Variants in GPR143 observed in about 807,000 individuals in gnomAD.
GPR143 encodes G protein-coupled receptor 143.
A neutral mutation model predicts 27.6 loss-of-function variants in GPR143; 8 were observed. The observed-to-expected ratio is 0.29, with a 90% CI of 0.17 to 0.52. GPR143 has a LOEUF of 0.52. GPR143 is among the 20% of genes least tolerant of loss of function. The pLI is 0.96. For synonymous variants in GPR143, 156 were observed against 153.2 expected, an observed-to-expected ratio of 1.02 and a Z score of -0.13; for missense variants, 303 against 343.1, an observed-to-expected ratio of 0.88 and a Z score of 0.92.
upstream of GPR143, among the ~76,000 whole-genome samples, chrX:9,770,897 A>C (rs1569127603): frequency 8.9e-6 from 1 of 112,264 alleles, no homozygotes; most frequent in East Asian, 2.8e-4. Context: ...CCTTTCATTT[A>C]AGTGCAATTC....
intron 3 of GPR143, among the ~76,000 whole-genome samples, chrX:9,757,729 A>G (rs914954484): frequency 2.7e-5 from 3 of 111,205 alleles, no homozygotes; most frequent in African/African-American, 9.8e-5. Context: ...GGCTTTAAAC[A>G]GGTGACCTTT....
At chrX:9,742,134 A>G (rs1487856009) in intron 6 of GPR143, among the ~76,000 whole-genome samples, 2 of 111,925 alleles carry the variant, frequency 1.8e-5, no homozygotes, top group African/African-American at 6.5e-5. Context: ...TTGCCATTTT[A>G]TAATAGTATT....
chrX:9,744,556 TTAGC>T (rs1485439732), intron 5 of GPR143, among the ~76,000 whole-genome samples: 3 of 108,781 alleles, frequency 2.8e-5, no homozygotes, highest in Non-Finnish European at 5.7e-5. Context: ...AATGCAAAAA[TTAGC>T]TGGCTGTGGT....
rs760828983 is a variant in GPR143 at position 9,760,705 on chromosome X, G to A, written c.360+12C>T. On this transcript the variant is annotated intron_variant, in intron 2 of 8. Coordinates refer to ENST00000467482, the MANE Select transcript of GPR143 (RefSeq NM_000273.3). ...GTAGGGAGGAGAGGGCATGCAGAGG[G>A]GGTGGACTCACCGCACTCCCCACGC... is the stretch of plus-strand genomic sequence containing the variant. The A allele has an allele frequency of 1.0e-6, 1 of 988,439 alleles. No individual in the cohort carries two copies. Among genetic ancestry groups the A allele is most frequent in the Non-Finnish European group, 1.4e-6 (1 of 697,044 alleles). The allele number at this position is 988,439 out of a possible 1,213,427, so 81.5% of individuals were successfully genotyped here.
chrX:9,753,668 CT>C (rs1025109361), intron 3 of GPR143, among the ~76,000 whole-genome samples: 9 of 111,424 alleles, frequency 8.1e-5, no homozygotes, highest in African/African-American at 2.3e-4. Context: ...TGTGTGGGCC[CT>C]CACAGCCCCC....
chrX:9,776,623 G>A (rs1335213322), intron 1 of GPR143, among the ~76,000 whole-genome samples: 2 of 101,980 alleles, frequency 2.0e-5, no homozygotes, highest in Admixed American at 1.1e-4. Context: ...TCCTGGCCTC[G>A]AGTGATCCTC....
intron 1 of GPR143, among the ~76,000 whole-genome samples, chrX:9,764,559 G>A (rs2083519232): frequency 9.1e-6 from 1 of 109,344 alleles, no homozygotes; most frequent in African/African-American, 3.3e-5. Context: ...GAGACAGAGA[G>A]AAGTTAATTG....
At chrX:9,745,090 A>G (rs369321929) in intron 5 of GPR143, among the ~76,000 whole-genome samples, 16 of 111,521 alleles carry the variant, frequency 1.4e-4, no homozygotes, top group African/African-American at 4.9e-4. Flanking sequence ...CGTCTCTACT[A>G]AAAATACAAA....
intron 6 of GPR143, among the ~76,000 whole-genome samples, chrX:9,743,218 C>CAAAAAA (rs35238066): frequency 1.6e-4 from 6 of 37,257 alleles, no homozygotes; most frequent in Non-Finnish European, 2.3e-4. Context: ...GACCCTGTCT[C>CAAAAAA]AAAAAAAAAA....
At chrX:9,768,269 G>A (rs1351156484), upstream of GPR143, among the ~76,000 whole-genome samples, 1 of 112,073 alleles carries the variant, frequency 8.9e-6, no homozygotes, top group African/African-American at 3.2e-5. Flanking sequence ...GCTCACACCT[G>A]TAATCTCAGC....
intron 1 of GPR143, among the ~76,000 whole-genome samples, chrX:9,764,582 T>C (rs1357009377): frequency 9.0e-6 from 1 of 110,647 alleles, no homozygotes; most frequent in Non-Finnish European, 1.9e-5. Context: ...AGTCTCTCCC[T>C]GGTGCAGTTG....
intron 8 of GPR143, chrX:9,738,469 G>T: frequency 1.4e-6 from 1 of 726,084 alleles, no homozygotes; most frequent in Non-Finnish European, 1.6e-6. Flanking sequence ...GCTTCAGCCA[G>T]AACTATCTCT....
intron 2 of GPR143, 139 bp downstream of exon 2, chrX:9,760,578 G>A (rs1457052035): frequency 2.1e-6 from 1 of 473,592 alleles, no homozygotes; most frequent in African/African-American, 2.4e-5. Flanking sequence ...TGTTAAAACA[G>A]AGAGGGCTGG....
At chrX:9,732,892 G>A (rs1003986870) in intron 8 of GPR143, among the ~76,000 whole-genome samples, 23 of 107,475 alleles carry the variant, frequency 2.1e-4, no homozygotes, top group Admixed American at 6.0e-4. Flanking sequence ...AAAAAGAATG[G>A]CAAATTCTGA....
chrX:9,741,110 A>T lies in GPR143; in HGVS notation c.885+228T>A, dbSNP rs192702609. The T allele has an allele frequency of 3.2e-3, 919 of 288,554 alleles. 4 individuals are homozygous for T. Among genetic ancestry groups the T allele is most frequent in the African/African-American group, 0.024 (822 of 34,918 alleles). The allele number at this position is 288,554 out of a possible 1,213,427, so 23.8% of individuals were successfully genotyped here. A position where few individuals can be genotyped will look rare whatever the true frequency, so the allele number is the denominator to read the frequency against. ...CAGAAAGTGTTAAATATAGATAATT[A>T]AAAAAAGAGATGGGGTCTCCCTACA... On this transcript the variant is annotated intron_variant, in intron 7 of 8. Coordinates refer to ENST00000467482, the MANE Select transcript of GPR143 (RefSeq NM_000273.3).
chrX:9,741,181 G>A (rs2083402267), intron 7 of GPR143, 157 bp downstream of exon 7: 2 of 403,478 alleles, frequency 5.0e-6, no homozygotes, highest in Non-Finnish European at 8.8e-6. Context: ...TTACTCAGGA[G>A]GCCAAGACAG....
chrX:9,765,929 C>G, upstream of GPR143: 1 of 791,719 alleles, frequency 1.3e-6, no homozygotes, highest in Non-Finnish European at 1.6e-6. Flanking sequence ...CTCCCCCACC[C>G]CAACCCCCAG....
At chrX:9,734,834 G>A (rs1018332271) in intron 8 of GPR143, among the ~76,000 whole-genome samples, 1 of 111,961 alleles carries the variant, frequency 8.9e-6, no homozygotes, top group African/African-American at 3.3e-5. Context: ...CTCCTGCCAG[G>A]CCATGCCCCC....
chrX:9,773,546 A>T lies in GPR143; in HGVS notation c.-3+12696T>A, dbSNP rs145102434. ...ACGCACACACATATACTTTTTCGTC[A>T]TATCTACAAACAAAATTGACTCTTC... On this transcript the variant is annotated intron_variant, in intron 1 of 7. Coordinates refer to the GPR143 transcript ENST00000447366. Among the ~76,000 whole-genome samples, 726 of 111,199 alleles carry T rather than the reference A, an allele frequency of 6.5e-3. 10 individuals are homozygous for T. Among genetic ancestry groups the T allele is most frequent in the African/African-American group, 0.022 (681 of 30,578 alleles).
Sources: allele counts gnomAD v4.1 joint callset (sites outside exome capture counted in the v4.1 genomes callset), GRCh38; gene constraint gnomAD v4.1.1; transcripts MANE v1.5; gene names NCBI Gene and HGNC (gene_info 2026-07-23, HGNC 2026-07-21).